GNG4: variants seen among roughly 807,000 people sequenced by gnomAD.
The protein encoded by GNG4 is guanine nucleotide-binding protein G(I)/G(S)/G(O) subunit gamma-4.
A neutral mutation model predicts 5.8 loss-of-function variants in GNG4; 4 were observed. The ratio of observed to expected loss-of-function variants is 0.69; its 90% CI spans 0.34 to 1.57. The LOEUF is 1.57. Ranked by LOEUF, GNG4 falls within the 40% of genes most tolerant of loss-of-function variation. The probability of loss-of-function intolerance (pLI) is 0.06; values close to 1 mark genes in which losing one functional copy is unlikely to be tolerated. For synonymous variants in GNG4, 29 were observed against 32.9 expected, an observed-to-expected ratio of 0.88 and a Z score of 0.41; for missense variants, 96 against 95.1, an observed-to-expected ratio of 1.01 and a Z score of -0.04.
intron 1 of GNG4, among the ~76,000 whole-genome samples, chr1:235,627,907 G>A (rs183621764): frequency 7.4e-4 from 112 of 152,270 alleles, no homozygotes; most frequent in African/African-American, 2.6e-3. Flanking sequence ...GGGGCCGGGC[G>A]TGGTGGCTCA....
intron 2 of GNG4, among the ~76,000 whole-genome samples, chr1:235,592,665 G>A (rs2102952944): frequency 6.6e-6 from 1 of 152,274 alleles, no homozygotes; most frequent in African/African-American, 2.4e-5. Context: ...TCCACGACCT[G>A]TAACCCCTGG....
intron 1 of GNG4, among the ~76,000 whole-genome samples, chr1:235,597,033 C>G (rs1688139042): frequency 6.6e-6 from 1 of 152,106 alleles, no homozygotes; most frequent in South Asian, 2.1e-4. Flanking sequence ...CTGTGCCTGG[C>G]CTTTGAAAGG....
chr1:235,618,334 A>G (rs1453003858), intron 1 of GNG4, among the ~76,000 whole-genome samples: 1 of 152,174 alleles, frequency 6.6e-6, no homozygotes, highest in East Asian at 1.9e-4. Context: ...CTGAATATGA[A>G]TATGAATTGC....
chr1:235,564,299 G>A (rs1687140614), intron 3 of GNG4, among the ~76,000 whole-genome samples: 1 of 152,138 alleles, frequency 6.6e-6, no homozygotes. Flanking sequence ...GGGGAGGAAG[G>A]TAAGGGCTGA....
At chr1:235,578,204 A>G (rs1687533315) in intron 3 of GNG4, among the ~76,000 whole-genome samples, 1 of 152,162 alleles carries the variant, frequency 6.6e-6, no homozygotes, top group Non-Finnish European at 1.5e-5. Context: ...TCATCAGGGA[A>G]ATACAAATGA....
At chr1:235,572,480 A>T (rs10926075) in intron 3 of GNG4, among the ~76,000 whole-genome samples, 64 of 145,574 alleles carry the variant, frequency 4.4e-4, no homozygotes, top group African/African-American at 1.5e-3. Flanking sequence ...GATTACAGGC[A>T]TGAGCCACCG....
Position 235,577,255 on chromosome 1 carries a change from C to T in GNG4, c.99+6485G>A, listed in dbSNP as rs150396534. ...ATGTCCTCTTTGGGTTCCCATCTGCCGTGCTCTCACCTGGAAGCCAGCTCT... is the reference window on the plus strand; with the variant it reads ...ATGTCCTCTTTGGGTTCCCATCTGCTGTGCTCTCACCTGGAAGCCAGCTCT... On this transcript the variant is annotated intron_variant, in intron 3 of 3. Coordinates refer to ENST00000391854, the MANE Select transcript of GNG4 (RefSeq NM_001098722.2). Among the ~76,000 whole-genome samples the T allele has an allele frequency of 1.3e-3, 192 of 152,234 alleles. 1 individual carries two copies. Among genetic ancestry groups the T allele is most frequent in the Non-Finnish European group, 2.2e-3 (153 of 68,024 alleles).
intron 3 of GNG4, among the ~76,000 whole-genome samples, chr1:235,571,374 C>T (rs1687337790): frequency 6.6e-6 from 1 of 152,190 alleles, no homozygotes; most frequent in East Asian, 1.9e-4. Flanking sequence ...TCATAGACCT[C>T]AGTTTCCTCC....
chr1:235,610,354 G>A (rs895393351), intron 1 of GNG4, among the ~76,000 whole-genome samples: 10 of 152,116 alleles, frequency 6.6e-5, no homozygotes, highest in African/African-American at 1.9e-4. Context: ...AATGATGTTC[G>A]TTGTCATCAC....
intron 2 of GNG4, among the ~76,000 whole-genome samples, chr1:235,593,033 C>T (rs1431607547): frequency 6.6e-6 from 1 of 151,536 alleles, no homozygotes; most frequent in Non-Finnish European, 1.5e-5. Flanking sequence ...ACTGCAACAT[C>T]CACCTCCCAG....
At chr1:235,639,366 C>A (rs1353942586) in intron 1 of GNG4, among the ~76,000 whole-genome samples, 1 of 152,222 alleles carries the variant, frequency 6.6e-6, no homozygotes, top group African/African-American at 2.4e-5. Context: ...GAGCCATAAT[C>A]ATTCTCCCTT....
chr1:235,628,373 T>C lies in GNG4; in HGVS notation c.-123+21289A>G, dbSNP rs960543177. Among the ~76,000 whole-genome samples, 3 of 148,606 alleles carry C rather than the reference T, an allele frequency of 2.0e-5. No individual in the cohort carries two copies. The Admixed American group carries it at 2.0e-4, about 10-fold the overall frequency. On this transcript the variant is annotated intron_variant, in intron 1 of 3. Coordinates refer to ENST00000391854, the MANE Select transcript of GNG4 (RefSeq NM_001098722.2). ...TGCAGGACCGGAGAGTGACCCTCTCTGCAAGCTGGGGTGGTTGGGGGCCAC... is the reference window on the plus strand; with the variant it reads ...TGCAGGACCGGAGAGTGACCCTCTCCGCAAGCTGGGGTGGTTGGGGGCCAC...
chr1:235,588,699 C>T (rs1006319026), intron 2 of GNG4, among the ~76,000 whole-genome samples: 5 of 152,098 alleles, frequency 3.3e-5, no homozygotes, highest in African/African-American at 1.2e-4. Flanking sequence ...TCATCTCCCC[C>T]TCCCTTCATC....
intron 2 of GNG4, among the ~76,000 whole-genome samples, chr1:235,594,083 T>A (rs891907204): frequency 1.1e-4 from 16 of 152,146 alleles, no homozygotes; most frequent in Admixed American, 1.0e-3. Flanking sequence ...ATTGGTGCGT[T>A]TACAATCCCT....
At chr1:235,591,932 G>A (rs1379954875) in intron 2 of GNG4, among the ~76,000 whole-genome samples, 2 of 152,212 alleles carry the variant, frequency 1.3e-5, no homozygotes, top group Non-Finnish European at 2.9e-5. Context: ...GGAAAATCTT[G>A]AGTTCCTTCA....
Position 235,612,679 on chromosome 1 carries a change from C to T in GNG4, c.-122-17168G>A, listed in dbSNP as rs531305606. On this transcript the variant is annotated intron_variant, in intron 1 of 3. Transcript: ENST00000391854. ...CTGGAACTACAGGTGCACGCCACTA[C>T]GCCTGGCTAAGTTTTGTATTTTTAG... is the stretch of plus-strand genomic sequence containing the variant. Among the ~76,000 whole-genome samples, 40 of 152,144 alleles carry T rather than the reference C, an allele frequency of 2.6e-4. No homozygotes were observed. The South Asian group carries it at 6.2e-3, about 24-fold the overall frequency.
intron 3 of GNG4, chr1:235,565,646 GCT>G (rs112242650): frequency 0.049 from 7,432 of 152,346 alleles, 233 homozygotes; most frequent in Middle Eastern, 0.078. Flanking sequence ...TGAGAGAATT[GCT>G]TGAGCTCAGG....
chr1:235,612,600 G>A (rs1487310926), intron 1 of GNG4, among the ~76,000 whole-genome samples: 4 of 152,122 alleles, frequency 2.6e-5, no homozygotes, highest in Non-Finnish European at 5.9e-5. Context: ...ATGACTCATT[G>A]CAGCCTTGAC....
In GNG4 at chr1:235,625,178, C is replaced by T. The variant is rs560715480; in HGVS notation, c.-123+24484G>A. Reference sequence around the variant, plus strand: ...ACACAAAGCCACAAGAATGATATCCCTTTCCCTTGCTTTCTCCTCTTGCCC... The same window carrying T: ...ACACAAAGCCACAAGAATGATATCCTTTTCCCTTGCTTTCTCCTCTTGCCC... On this transcript the variant is annotated intron_variant, in intron 1 of 3. Transcript: ENST00000391854. Among the ~76,000 whole-genome samples the T allele has an allele frequency of 5.9e-5, 9 of 152,306 alleles. No individual in the cohort carries two copies. In the South Asian group the frequency reaches 1.7e-3, roughly 28 times the overall value.
Sources: allele counts gnomAD v4.1 joint callset (sites outside exome capture counted in the v4.1 genomes callset), GRCh38; gene constraint gnomAD v4.1.1; transcripts MANE v1.5; gene names NCBI Gene and HGNC (gene_info 2026-07-23, HGNC 2026-07-21).